Variants in UPF2 observed in about 807,000 individuals in gnomAD.
The protein encoded by UPF2 is regulator of nonsense transcripts 2.
Under a neutral mutation model 141.4 loss-of-function variants are expected in UPF2, and 17 were observed. That is an observed-to-expected ratio of 0.12 (90% confidence interval 0.08 to 0.18). The LOEUF is 0.18. UPF2 is among the 10% of genes least tolerant of loss of function. The pLI is 1.00. For synonymous variants in UPF2, 540 were observed against 498.0 expected (o/e 1.08, Z -1.12); for missense variants, 1,152 against 1,515.9 (o/e 0.76, Z 3.99).
At chr10:11,946,395 TATGA>T (rs1382230529) in intron 16 of UPF2, among the ~76,000 whole-genome samples, 5 of 152,206 alleles carry the variant, frequency 3.3e-5, no homozygotes, top group East Asian at 1.9e-4. Context: ...AAATCTATCT[TATGA>T]ATGTCATAAA....
chr10:11,937,452 C>T (rs145896280), intron 18 of UPF2, among the ~76,000 whole-genome samples: 9 of 152,286 alleles, frequency 5.9e-5, no homozygotes, highest in East Asian at 1.9e-4. Flanking sequence ...AGAGTGGTTG[C>T]GTGCCCTTCA....
intron 4 of UPF2, among the ~76,000 whole-genome samples, chr10:12,013,414 C>CTGT (rs1834165823): frequency 6.6e-6 from 1 of 151,502 alleles, no homozygotes; most frequent in African/African-American, 2.4e-5. Context: ...GTAGCTGGGA[C>CTGT]TACAGGCACG....
In UPF2 at chr10:11,942,654, A is replaced by G; in HGVS notation, c.3378+11T>C. The G allele has an allele frequency of 6.2e-7, 1 of 1,610,614 alleles. No homozygotes were observed. ...TTGAGAAGAGTCTTTGAAACAAATG[A>G]CATTTAATACCTGTAGATTTTCTAG... is the stretch of plus-strand genomic sequence containing the variant. On this transcript the variant is annotated intron_variant, in intron 18 of 21. Coordinates refer to ENST00000357604, the MANE Select transcript of UPF2 (RefSeq NM_015542.4).
chr10:12,029,532 A>G lies in UPF2; in HGVS notation c.366-8T>C, dbSNP rs1834478257. On this transcript the variant is annotated splice_polypyrimidine_tract_variant and splice_region_variant and intron_variant, in intron 2 of 21. Coordinates refer to ENST00000357604, the MANE Select transcript of UPF2 (RefSeq NM_015542.4). ...ATGGATTCTTCTTTTTCTCTATATA[A>G]AAACAAACAAATAAATAAAATACTC... 4 of 1,565,130 alleles carry G rather than the reference A, an allele frequency of 2.6e-6. No homozygotes were observed. The Admixed American group carries it at 8.5e-5, about 33-fold the overall frequency.
chr10:11,972,268 T>C (rs1384664646), intron 9 of UPF2, among the ~76,000 whole-genome samples: 2 of 152,168 alleles, frequency 1.3e-5, no homozygotes, highest in Non-Finnish European at 2.9e-5. Flanking sequence ...CTCACTTTGT[T>C]TTACATGAAG....
Position 12,016,555 on chromosome 10 carries a change from G to A in UPF2, c.1146-2371C>T, listed in dbSNP as rs1268937436. Among the ~76,000 whole-genome samples the A allele has an allele frequency of 6.6e-6, 1 of 151,922 alleles. No individual in the cohort carries two copies. The highest frequency in any genetic ancestry group is 1.5e-5 in the Non-Finnish European group (1 of 67,992). On this transcript the variant is annotated intron_variant, in intron 3 of 21. Coordinates refer to ENST00000357604, the MANE Select transcript of UPF2 (RefSeq NM_015542.4). The surrounding 1 kb of genome is among the most constrained non-coding windows in gnomAD (Gnocchi z 4.1). ...CTAAAAATACAAAAATTAGCCGGGT[G>A]TGGTGGTAGGTGCCTGTAATCCCAG...
rs541233909 is a variant in UPF2, at chr10:11,956,146, C to CAA, written c.2574+172_2574+173dup. 1.8e-3 allele frequency among the ~76,000 whole-genome samples: 157 copies of CAA among 85,612 alleles called. No homozygotes were observed. The highest frequency in any genetic ancestry group is 5.8e-3 in the African/African-American group (122 of 20,974). 56.2% of individuals were successfully genotyped at this position (85,612 alleles called of 152,430 possible). A position where few individuals can be genotyped will look rare whatever the true frequency, so the allele number is the denominator to read the frequency against. The stretch of plus-strand genomic sequence containing the variant: ...TGGGTGACACAGCGAGACTCAGTCT[C>CAA]AAAAAAAAAAAAAAAAGAGGAAAGT... On this transcript the variant is annotated intron_variant, in intron 13 of 21. Transcript: ENST00000357604. This position sits in a 1 kb window ranked among gnomAD's most constrained non-coding sequence, Gnocchi z 4.2.
intron 16 of UPF2, among the ~76,000 whole-genome samples, chr10:11,945,240 C>T (rs1358362072): frequency 6.6e-6 from 1 of 152,116 alleles, no homozygotes; most frequent in African/African-American, 2.4e-5. Context: ...CAAAGTCACC[C>T]CCACTCTTCA....
At chr10:12,034,712 G>A (rs931200029) in intron 2 of UPF2, among the ~76,000 whole-genome samples, 2 of 152,034 alleles carry the variant, frequency 1.3e-5, no homozygotes, top group African/African-American at 4.8e-5. Context: ...GGCTGAGGCA[G>A]GAGAATCACT....
intron 3 of UPF2, among the ~76,000 whole-genome samples, chr10:12,028,523 T>C (rs1834459335): frequency 6.6e-6 from 1 of 152,166 alleles, no homozygotes; most frequent in South Asian, 2.1e-4. Context: ...AATCACCATC[T>C]ACTTGGCAGA....
intron 19 of UPF2, among the ~76,000 whole-genome samples, chr10:11,934,078 C>G (rs1040477449): frequency 6.6e-6 from 1 of 151,950 alleles, no homozygotes; most frequent in African/African-American, 2.4e-5. Context: ...CCAAGAAAGC[C>G]GGTGATGGGG....
intron 5 of UPF2, among the ~76,000 whole-genome samples, chr10:12,004,168 G>A (rs754593588): frequency 2.6e-5 from 4 of 152,042 alleles, no homozygotes; most frequent in Non-Finnish European, 4.4e-5. Context: ...GTTCTATCTA[G>A]CCTAGAAAGG....
At chr10:11,985,207 C>G (rs1279282987) in intron 8 of UPF2, among the ~76,000 whole-genome samples, 2 of 152,214 alleles carry the variant, frequency 1.3e-5, no homozygotes, top group Non-Finnish European at 2.9e-5. Flanking sequence ...ATAAAAAGGA[C>G]AGTTGATACA....
At chr10:12,007,182 A>G (rs1378137207) in intron 4 of UPF2, among the ~76,000 whole-genome samples, 5 of 152,236 alleles carry the variant, frequency 3.3e-5, no homozygotes, top group Non-Finnish European at 5.9e-5. Flanking sequence ...CTCAAAAATA[A>G]TAATTGAAAC....
chr10:11,977,953 A>G (rs933751695), intron 9 of UPF2, among the ~76,000 whole-genome samples: 4 of 152,206 alleles, frequency 2.6e-5, no homozygotes, highest in African/African-American at 9.6e-5. Flanking sequence ...GTTGGCCCAG[A>G]AAAATCTTAA....
At chr10:11,923,151 G>C (rs1832667761) in intron 21 of UPF2, 1 of 152,222 alleles carries the variant, frequency 6.6e-6, no homozygotes, top group African/African-American at 2.4e-5. Context: ...CATCACTGGA[G>C]ATCTTGTTTA....
chr10:12,033,677 T>C (rs1165252634), intron 2 of UPF2, among the ~76,000 whole-genome samples: 1 of 152,172 alleles, frequency 6.6e-6, no homozygotes, highest in African/African-American at 2.4e-5. Flanking sequence ...AAAAAAACTT[T>C]TTTAGTTAAA....
Position 12,028,757 on chromosome 10 carries a change from T to C in UPF2, c.1133A>G (p.Glu378Gly). 6.3e-7 allele frequency: 1 copy of C among 1,584,876 alleles called. No individual in the cohort carries two copies. Among genetic ancestry groups the C allele is most frequent in the Non-Finnish European group, 8.6e-7 (1 of 1,168,844 alleles). The part of the protein sequence containing the change: ...KRDHRELQNT[E>G]RQNRRILHSK... ...ATTTGAAAATCACCTGTTTTGTCTC[T>C]CAGTATTCTGGAGCTCCCTGTGGTC... Residue 378 changes from glutamate to glycine, a missense_variant, in exon 3 of 22, where the codon GAG (glutamate) becomes GGG (glycine). Around this residue, in one of 4 missense-constraint regions of UPF2, gnomAD observed 739 missense variants for 1,032.2 expected, o/e 0.72. Transcript: ENST00000357604.
intron 20 of UPF2, 27 bp from the exon 21 acceptor site, chr10:11,930,012 T>C (rs1345117153): frequency 6.2e-7 from 1 of 1,613,966 alleles, no homozygotes; most frequent in Non-Finnish European, 8.5e-7. Flanking sequence ...AAAAAGAGAA[T>C]GCTGTTAACT....
Sources: allele counts gnomAD v4.1 joint callset (sites outside exome capture counted in the v4.1 genomes callset), GRCh38; gene constraint gnomAD v4.1.1; regional missense constraint gnomAD v4.1.1; non-coding constraint Gnocchi (gnomAD v3.1); transcripts MANE v1.5; gene names NCBI Gene and HGNC (gene_info 2026-07-23, HGNC 2026-07-21).